The following UST variants were observed in gnomAD, a reference collection of about 807,000 sequenced individuals.
The protein encoded by UST is uronyl 2-sulfotransferase, also known as chondroitin sulfate 2-O-sulfotransferase.
Under a neutral mutation model 45.6 loss-of-function variants are expected in UST, and 21 were observed. That is an observed-to-expected ratio of 0.46 (90% CI 0.33 to 0.66). UST has a LOEUF of 0.66. UST is among the 30% of genes least tolerant of loss of function. The pLI, the probability that UST is intolerant of heterozygous loss-of-function variation, is 0.02. For synonymous variants in UST, 215 were observed against 200.6 expected, an observed-to-expected ratio of 1.07 and a Z score of -0.61; for missense variants, 463 against 512.4, an observed-to-expected ratio of 0.90 and a Z score of 0.93.
At chr6:148,833,355 C>A (rs959665413) in intron 1 of UST, among the ~76,000 whole-genome samples, 1 of 152,058 alleles carries the variant, frequency 6.6e-6, no homozygotes, top group Non-Finnish European at 1.5e-5. Flanking sequence ...GGCATGGTGG[C>A]ATGTACCTGT....
At chr6:148,968,397 T>C (rs1435574354) in intron 5 of UST, among the ~76,000 whole-genome samples, 1 of 152,272 alleles carries the variant, frequency 6.6e-6, no homozygotes, top group Non-Finnish European at 1.5e-5. Flanking sequence ...GTTCAACTTC[T>C]AGCAGCCATA....
At chr6:148,983,215 G>A (rs1781171937) in intron 5 of UST, among the ~76,000 whole-genome samples, 1 of 152,184 alleles carries the variant, frequency 6.6e-6, no homozygotes, top group Non-Finnish European at 1.5e-5. Flanking sequence ...AGCCTTATTA[G>A]TCCCTTTTTG....
intron 6 of UST, 31 bp downstream of exon 6, chr6:149,019,267 C>T (rs779660649): frequency 5.8e-6 from 9 of 1,556,116 alleles, no homozygotes; most frequent in African/African-American, 1.4e-5. Flanking sequence ...ATGGCATGCA[C>T]GTACGCACAA....
rs1316730699 is a variant in UST, at chr6:148,790,963, A to G, written c.247+43286A>G. ...TCCCTCAGGATCTGCGCAACAGTTAAAGGTGCACGCGTTAGTGAAACCTCG... is the reference window on the plus strand; with the variant it reads ...TCCCTCAGGATCTGCGCAACAGTTAGAGGTGCACGCGTTAGTGAAACCTCG... On this transcript the variant is annotated intron_variant, in intron 1 of 7. Coordinates refer to ENST00000367463, the MANE Select transcript of UST (RefSeq NM_005715.3). This position sits in a 1 kb window ranked among gnomAD's most constrained non-coding sequence, Gnocchi z 4.2. 6.6e-6 allele frequency among the ~76,000 whole-genome samples: 1 copy of G among 152,222 alleles called. No individual in the cohort carries two copies. Among genetic ancestry groups the G allele is most frequent in the Non-Finnish European group, 1.5e-5 (1 of 68,040 alleles).
chr6:148,831,222 C>T (rs145383276), intron 1 of UST, among the ~76,000 whole-genome samples: 26 of 152,282 alleles, frequency 1.7e-4, no homozygotes, highest in Non-Finnish European at 3.1e-4. Flanking sequence ...CACATACCAG[C>T]ATCTGGAAGC....
At chr6:148,894,029 A>G (rs1273659011) in intron 2 of UST, among the ~76,000 whole-genome samples, 3 of 152,126 alleles carry the variant, frequency 2.0e-5, no homozygotes, top group South Asian at 4.1e-4. Flanking sequence ...TTCAAAAAAA[A>G]GTCTAGGATG....
chr6:149,057,202 C>T (rs1239070272), intron 7 of UST, among the ~76,000 whole-genome samples: 1 of 152,208 alleles, frequency 6.6e-6, no homozygotes, highest in African/African-American at 2.4e-5. Context: ...GAAAAGATTT[C>T]GTCTCCGTGA....
intron 1 of UST, among the ~76,000 whole-genome samples, chr6:148,861,411 G>A (rs1330545998): frequency 1.3e-5 from 2 of 152,016 alleles, no homozygotes; most frequent in African/African-American, 4.8e-5. Flanking sequence ...AGTCTTGCTA[G>A]CGGTCTATCA....
chr6:148,780,023 A>C (rs1373426941), intron 1 of UST, among the ~76,000 whole-genome samples: 1 of 151,960 alleles, frequency 6.6e-6, no homozygotes, highest in Non-Finnish European at 1.5e-5. Flanking sequence ...GTTATAGATC[A>C]GTGAGGTATT....
intron 1 of UST, among the ~76,000 whole-genome samples, chr6:148,783,252 G>A (rs1471967259): frequency 6.6e-6 from 1 of 152,114 alleles, no homozygotes; most frequent in Non-Finnish European, 1.5e-5. Flanking sequence ...ATAGACTATA[G>A]TGTAACATAA....
chr6:148,951,993 G>A (rs1276750652), intron 3 of UST, among the ~76,000 whole-genome samples: 13 of 152,208 alleles, frequency 8.5e-5, no homozygotes, highest in Admixed American at 5.2e-4. Flanking sequence ...ATATGTGAAA[G>A]AAACGTTTTT....
chr6:148,872,947 G>T (rs71568263), intron 1 of UST, among the ~76,000 whole-genome samples: 6,379 of 152,206 alleles, frequency 0.042, 138 homozygotes, highest in Middle Eastern at 0.099. Context: ...TTGACTCGTG[G>T]TCTCTTTTGC....
intron 2 of UST, among the ~76,000 whole-genome samples, chr6:148,938,124 C>A (rs780222916): frequency 6.6e-6 from 1 of 152,130 alleles, no homozygotes; most frequent in Non-Finnish European, 1.5e-5. Flanking sequence ...CTTCAAATAG[C>A]ATTTGGTCAG....
rs1418384873 is a variant in UST, at chr6:148,747,155, G to T, written c.-276G>T. 4.0e-5 allele frequency among the ~76,000 whole-genome samples: 6 copies of T among 149,542 alleles called. No homozygotes were observed. Among genetic ancestry groups the T allele is most frequent in the Non-Finnish European group, 9.0e-5 (6 of 67,002 alleles). On this transcript the variant is annotated 5_prime_UTR_variant, in exon 1 of 8. Coordinates refer to ENST00000367463, the MANE Select transcript of UST (RefSeq NM_005715.3). Reference sequence around the variant, plus strand: ...CCCGAGGCGCGGCGGGGCGCGGGGCGTGGGGACGCTAGCGGGCGCCGGACG... The same window carrying T: ...CCCGAGGCGCGGCGGGGCGCGGGGCTTGGGGACGCTAGCGGGCGCCGGACG...
chr6:148,758,173 C>G (rs899737834), intron 1 of UST, among the ~76,000 whole-genome samples: 1 of 152,150 alleles, frequency 6.6e-6, no homozygotes, highest in African/African-American at 2.4e-5. Context: ...AACCTGACTT[C>G]CAATTGAAAG....
intron 5 of UST, among the ~76,000 whole-genome samples, chr6:148,973,122 CA>C (rs1291306785): frequency 6.6e-6 from 1 of 152,138 alleles, no homozygotes; most frequent in Non-Finnish European, 1.5e-5. Flanking sequence ...TTGGCATATG[CA>C]AATAAATGTC....
intron 4 of UST, among the ~76,000 whole-genome samples, chr6:148,962,768 G>A (rs1780690234): frequency 6.6e-6 from 1 of 152,192 alleles, no homozygotes; most frequent in Admixed American, 6.5e-5. Context: ...CCTGGTGCCT[G>A]AAATTCCACT....
At chr6:148,967,584 G>A (rs757612466) in intron 5 of UST, among the ~76,000 whole-genome samples, 3 of 152,192 alleles carry the variant, frequency 2.0e-5, no homozygotes, top group Non-Finnish European at 4.4e-5. Context: ...TGGGTAGTCA[G>A]TTGTTTGACT....
chr6:149,010,926 C>G (rs1775799891), intron 5 of UST, among the ~76,000 whole-genome samples: 1 of 59,520 alleles, frequency 1.7e-5, no homozygotes. Flanking sequence ...AAAACTGTGA[C>G]TATTTATTTG....
Sources: gnomAD v4.1 joint callset for allele counts (sites outside exome capture counted in the v4.1 genomes callset) on GRCh38, gnomAD v4.1.1 for gene constraint, Gnocchi (gnomAD v3.1) non-coding constraint, MANE v1.5 for transcripts, NCBI Gene and HGNC (gene_info 2026-07-23, HGNC 2026-07-21) for gene names.